MRPL42: variants seen among roughly 807,000 people sequenced by gnomAD.
MRPL42 encodes large ribosomal subunit protein mL42.
MRPL42 carries 17 observed loss-of-function variants against 17.9 expected under a neutral mutation model. That is an observed-to-expected ratio of 0.95 (90% confidence interval 0.65 to 1.42). The LOEUF (loss-of-function observed/expected upper bound fraction) is 1.42. Ranked by LOEUF, MRPL42 falls within the 40% of genes most tolerant of loss-of-function variation. The pLI is 0.00. For missense variants in MRPL42, 177 were observed against 175.2 expected, an observed-to-expected ratio of 1.01 and a Z score of -0.06; for synonymous variants, 59 against 54.4, an observed-to-expected ratio of 1.08 and a Z score of -0.37.
intron 5 of MRPL42, among the ~76,000 whole-genome samples, chr12:93,489,533 T>TTTA (rs1555201820): frequency 6.6e-6 from 1 of 151,988 alleles, no homozygotes. Flanking sequence ...TCTTATTTTA[T>TTTA]TTTATTTATT....
intron 4 of MRPL42, among the ~76,000 whole-genome samples, chr12:93,486,371 G>A (rs777231967): frequency 3.3e-5 from 5 of 152,026 alleles, no homozygotes; most frequent in Non-Finnish European, 7.4e-5. Flanking sequence ...TTTTGAGACA[G>A]TCTTGCTCTT....
At chr12:93,478,677 G>A (rs1301819685) in intron 3 of MRPL42, among the ~76,000 whole-genome samples, 1 of 152,152 alleles carries the variant, frequency 6.6e-6, no homozygotes, top group African/African-American at 2.4e-5. Flanking sequence ...ATCTTCTCGT[G>A]AAGAAATCGT....
rs115800626 is a variant in MRPL42 at position 93,497,422 on chromosome 12, C to G, written c.384-3754C>G. 3.1e-3 allele frequency among the ~76,000 whole-genome samples: 468 copies of G among 152,252 alleles called. 5 individuals are homozygous for G. Among genetic ancestry groups the G allele is most frequent in the African/African-American group, 0.011 (447 of 41,544 alleles). ...TTCTGCCTGAGATGCAAGGCTGATT[C>G]AAGATACGCAAATAAATAAATGTGA... On this transcript the variant is annotated intron_variant, in intron 5 of 5. Coordinates refer to ENST00000549982, the MANE Select transcript of MRPL42 (RefSeq NM_014050.4).
chr12:93,485,166 T>G (rs1041683448), intron 4 of MRPL42, among the ~76,000 whole-genome samples: 1 of 144,138 alleles, frequency 6.9e-6, no homozygotes, highest in Non-Finnish European at 1.5e-5. Context: ...ATTGCCTTTT[T>G]TTTTTTTTTT....
At chr12:93,470,656 AT>A in intron 2 of MRPL42, 1 of 828,326 alleles carries the variant, frequency 1.2e-6, no homozygotes, top group Non-Finnish European at 1.6e-6. Flanking sequence ...TATTGTTCCC[AT>A]CTTTGTGTCC....
At chr12:93,479,241 G>C (rs1020957728) in intron 3 of MRPL42, 147 bp from the exon 4 acceptor site, 1 of 390,518 alleles carries the variant, frequency 2.6e-6, no homozygotes, top group Admixed American at 4.0e-5. Context: ...TTATTAGGCC[G>C]GGCACTAATT....
intron 3 of MRPL42, among the ~76,000 whole-genome samples, chr12:93,478,184 G>C (rs912786102): frequency 6.6e-6 from 1 of 152,016 alleles, no homozygotes. Context: ...TTAAACTCCT[G>C]AGCTCAAGCA....
At chr12:93,468,761 A>G (rs1051370403) in intron 1 of MRPL42, among the ~76,000 whole-genome samples, 1 of 152,162 alleles carries the variant, frequency 6.6e-6, no homozygotes, top group Non-Finnish European at 1.5e-5. Flanking sequence ...CAGGGCAGAC[A>G]ACTATTTCAT....
chr12:93,475,371 C>T (rs1361509743), intron 2 of MRPL42, among the ~76,000 whole-genome samples: 7 of 151,934 alleles, frequency 4.6e-5, no homozygotes, highest in Non-Finnish European at 7.4e-5. Flanking sequence ...CTGCCCTGGC[C>T]TCCCAAAGTG....
At chr12:93,484,977 CACATAT>C (rs1368425275) in intron 4 of MRPL42, among the ~76,000 whole-genome samples, 15 of 28,590 alleles carry the variant, frequency 5.2e-4, no homozygotes, top group Non-Finnish European at 1.1e-3. Flanking sequence ...CACACACACA[CACATAT>C]ATATATATAT....
At chr12:93,477,338 A>G (rs1299341849) in intron 3 of MRPL42, among the ~76,000 whole-genome samples, 1 of 152,146 alleles carries the variant, frequency 6.6e-6, no homozygotes, top group Non-Finnish European at 1.5e-5. Flanking sequence ...GTTCATATCT[A>G]TTAGCTTAAG....
chr12:93,479,367 C>A (rs1238511964), intron 3 of MRPL42, 21 bp from the exon 4 acceptor site: 1 of 1,509,676 alleles, frequency 6.6e-7, no homozygotes, highest in South Asian at 1.2e-5. Flanking sequence ...AACTTTATTT[C>A]TAAAACATTC....
At chr12:93,470,124 G>A (rs1879838395) in intron 2 of MRPL42, among the ~76,000 whole-genome samples, 1 of 151,908 alleles carries the variant, frequency 6.6e-6, no homozygotes, top group Admixed American at 6.6e-5. Context: ...TTAATATTTT[G>A]GTGGATTGTC....
At chr12:93,473,303 C>G (rs1879993659) in intron 2 of MRPL42, among the ~76,000 whole-genome samples, 1 of 152,076 alleles carries the variant, frequency 6.6e-6, no homozygotes, top group Non-Finnish European at 1.5e-5. Context: ...CTCTGTTGCC[C>G]AGGCTGGAGT....
chr12:93,492,125 G>C (rs1953427131), intron 5 of MRPL42, among the ~76,000 whole-genome samples: 1 of 152,130 alleles, frequency 6.6e-6, no homozygotes, highest in Non-Finnish European at 1.5e-5. Flanking sequence ...ATTCCTTTGG[G>C]TATTTACCTA....
chr12:93,494,245 C>T (rs1246021463), intron 5 of MRPL42, among the ~76,000 whole-genome samples: 1 of 152,158 alleles, frequency 6.6e-6, no homozygotes, highest in Non-Finnish European at 1.5e-5. Context: ...GTAGGTTACT[C>T]TGGCTGCTAC....
At position 93,503,271 on chromosome 12, in the gene MRPL42, C is replaced by G. The variant is rs1953621820; in HGVS notation, c.*2050C>G. 1 of 152,006 alleles carries G rather than the reference C, an allele frequency of 6.6e-6. No individual in the cohort carries two copies. The highest frequency in any genetic ancestry group is 2.4e-5 in the African/African-American group (1 of 41,370). 9.4% of individuals were successfully genotyped at this position (152,006 alleles called of 1,614,324 possible). A position where few individuals can be genotyped will look rare whatever the true frequency, so the allele number is the denominator to read the frequency against. On this transcript the variant is annotated 3_prime_UTR_variant, in exon 6 of 6. Transcript: ENST00000549982. ...CGCCCAAAAGTGACTTTTAAAAGCA[C>G]TTAATTAGCAGAGAATTTGGATGTT...
At chr12:93,484,973 C>CATATATATCTAT (rs1565813713) in intron 4 of MRPL42, among the ~76,000 whole-genome samples, 1 of 23,946 alleles carries the variant, frequency 4.2e-5, no homozygotes, top group African/African-American at 1.2e-4. Context: ...CACACACACA[C>CATATATATCTAT]ACACACATAT....
rs1953691116 is a variant in MRPL42 at position 93,508,238 on chromosome 12, C to T, written c.*7017C>T. The T allele has an allele frequency of 6.9e-6, 1 of 144,970 alleles. No homozygotes were observed. The highest frequency in any genetic ancestry group is 2.3e-4 in the South Asian group (1 of 4,320). The allele number at this position is 144,970 out of a possible 1,614,324, so 9.0% of individuals were successfully genotyped here. A position where few individuals can be genotyped will look rare whatever the true frequency, so the allele number is the denominator to read the frequency against. ...GGGATTACAGGTGTGAGCCACCACGCCTGGTCTTCTACAAAAAAATTTTAA... is the reference window on the plus strand; with the variant it reads ...GGGATTACAGGTGTGAGCCACCACGTCTGGTCTTCTACAAAAAAATTTTAA... On this transcript the variant is annotated 3_prime_UTR_variant, in exon 6 of 6. Coordinates refer to ENST00000549982, the MANE Select transcript of MRPL42 (RefSeq NM_014050.4).
Sources: gnomAD v4.1 joint callset for allele counts (sites outside exome capture counted in the v4.1 genomes callset) on GRCh38, gnomAD v4.1.1 for gene constraint, MANE v1.5 for transcripts, NCBI Gene and HGNC (gene_info 2026-07-23, HGNC 2026-07-21) for gene names.